ROR1: variants seen among roughly 807,000 people sequenced by gnomAD.
The protein encoded by ROR1 is ROR family WNT receptor 1, also known as inactive tyrosine-protein kinase transmembrane receptor ROR1.
Under a neutral mutation model 78.8 loss-of-function variants are expected in ROR1, and 19 were observed. The observed-to-expected ratio is 0.24, with a 90% CI of 0.17 to 0.35. The LOEUF is 0.35. ROR1 is among the 10% of genes least tolerant of loss of function. The probability of loss-of-function intolerance (pLI) is 1.00; values close to 1 mark genes in which losing one functional copy is unlikely to be tolerated. For missense variants in ROR1, 917 were observed against 1,177.8 expected, an observed-to-expected ratio of 0.78 and a Z score of 3.24; for synonymous variants, 386 against 433.6, an observed-to-expected ratio of 0.89 and a Z score of 1.36.
At chr1:63,995,292 G>T (rs1646328175) in intron 1 of ROR1, among the ~76,000 whole-genome samples, 1 of 152,060 alleles carries the variant, frequency 6.6e-6, no homozygotes, top group Non-Finnish European at 1.5e-5. Flanking sequence ...AGCTTAAATA[G>T]CAGTTGTTAT....
At chr1:63,789,906 G>A (rs1157233689) in intron 1 of ROR1, among the ~76,000 whole-genome samples, 1 of 152,068 alleles carries the variant, frequency 6.6e-6, no homozygotes, top group Non-Finnish European at 1.5e-5. Flanking sequence ...TTTCAGGCAG[G>A]CCCTCCCAAG....
chr1:63,878,892 T>C (rs1645306023), intron 1 of ROR1, among the ~76,000 whole-genome samples: 1 of 152,154 alleles, frequency 6.6e-6, no homozygotes, highest in Non-Finnish European at 1.5e-5. Context: ...GTCCTCATGG[T>C]ATATGAAGCC....
intron 1 of ROR1, chr1:63,843,511 C>T: frequency 1.3e-6 from 1 of 753,570 alleles, no homozygotes; most frequent in Non-Finnish European, 2.4e-6. Flanking sequence ...GTCTGGCTCA[C>T]ATCGCCCACC....
At chr1:63,891,442 G>T (rs148748452) in intron 1 of ROR1, among the ~76,000 whole-genome samples, 1 of 152,236 alleles carries the variant, frequency 6.6e-6, no homozygotes, top group East Asian at 1.9e-4. Context: ...TGCACCTCAT[G>T]GGAAGACTTG....
intron 2 of ROR1, among the ~76,000 whole-genome samples, chr1:64,015,994 G>A (rs956998560): frequency 6.6e-6 from 1 of 152,114 alleles, no homozygotes; most frequent in South Asian, 2.1e-4. Context: ...CTCACTACTG[G>A]TAGTTCTCTT....
intron 2 of ROR1, among the ~76,000 whole-genome samples, chr1:64,047,749 C>T (rs1646796095): frequency 6.6e-6 from 1 of 152,170 alleles, no homozygotes; most frequent in Non-Finnish European, 1.5e-5. Flanking sequence ...TGAGCAAACA[C>T]ATTCGTGGAT....
intron 1 of ROR1, among the ~76,000 whole-genome samples, chr1:63,861,643 T>C (rs1189622573): frequency 6.6e-6 from 1 of 152,266 alleles, no homozygotes; most frequent in Non-Finnish European, 1.5e-5. Context: ...TATGTCTTTC[T>C]GCATCTGTGA....
At chr1:63,916,423 C>G (rs1191025637) in intron 1 of ROR1, among the ~76,000 whole-genome samples, 1 of 152,180 alleles carries the variant, frequency 6.6e-6, no homozygotes, top group East Asian at 1.9e-4. Context: ...TAGGAGATAA[C>G]AGACTACAAA....
chr1:64,049,717 A>G lies in ROR1; in HGVS notation c.190A>G (p.Met64Val), dbSNP rs184990049. The change falls in exon 3 of 9, where the codon ATG becomes GTG. Residue 64 changes from methionine to valine, a missense_variant. Around this residue, in one of 3 missense-constraint regions of ROR1, gnomAD observed 19 missense variants for 50.9 expected, o/e 0.37. Transcript: ENST00000371079. ...KDSYLTLDEP[M>V]NNITTSLGQT... The stretch of plus-strand genomic sequence containing the variant: ...TTCTTACCTGACCCTCGATGAACCA[A>G]TGAATAACATCACCACGTCTCTGGG... 168 of 1,613,944 alleles carry G rather than the reference A, an allele frequency of 1.0e-4. 1 individual carries two copies. In the East Asian group the frequency reaches 3.3e-3, roughly 32 times the overall value.
intron 2 of ROR1, among the ~76,000 whole-genome samples, chr1:64,013,526 T>C (rs1281720538): frequency 1.3e-5 from 2 of 152,230 alleles, no homozygotes; most frequent in African/African-American, 2.4e-5. Context: ...ACTGGGTTTG[T>C]TCTTCACTTG....
chr1:64,128,999 C>A (rs184588364), intron 4 of ROR1, among the ~76,000 whole-genome samples: 138 of 152,242 alleles, frequency 9.1e-4, no homozygotes, highest in Middle Eastern at 3.4e-3. Flanking sequence ...GCTGCTTCTG[C>A]CATTATAAAA....
At chr1:63,865,625 G>A (rs1423053937) in intron 1 of ROR1, among the ~76,000 whole-genome samples, 1 of 152,172 alleles carries the variant, frequency 6.6e-6, no homozygotes, top group Non-Finnish European at 1.5e-5. Context: ...GGTCAGGCAT[G>A]TTTATATGTT....
intron 1 of ROR1, among the ~76,000 whole-genome samples, chr1:63,912,041 C>T (rs763909812): frequency 6.0e-5 from 9 of 150,426 alleles, no homozygotes; most frequent in Non-Finnish European, 1.2e-4. Context: ...AATCCCAGCA[C>T]TTTGGAAGAC....
At chr1:64,142,834 C>A in intron 7 of ROR1, 184 bp downstream of exon 7, 3 of 1,418,532 alleles carry the variant, frequency 2.1e-6, no homozygotes, top group Non-Finnish European at 2.8e-6. Flanking sequence ...TACCAAAACA[C>A]GTTCTCAAGA....
chr1:63,972,807 G>A (rs1438849520), intron 1 of ROR1, among the ~76,000 whole-genome samples: 1 of 152,208 alleles, frequency 6.6e-6, no homozygotes, highest in African/African-American at 2.4e-5. Flanking sequence ...TATGGGCCTA[G>A]TGTTTTGAGA....
chr1:63,893,849 A>T (rs2100392910), intron 1 of ROR1, among the ~76,000 whole-genome samples: 1 of 152,266 alleles, frequency 6.6e-6, no homozygotes, highest in Admixed American at 6.5e-5. Context: ...TTCTATATAT[A>T]CTAAACATGA....
intron 4 of ROR1, among the ~76,000 whole-genome samples, chr1:64,134,104 C>T (rs12142799): frequency 0.012 from 1,850 of 152,250 alleles, 15 homozygotes; most frequent in Middle Eastern, 0.024. Flanking sequence ...CTATTTAGAG[C>T]AAATCTAGCT....
intron 1 of ROR1, among the ~76,000 whole-genome samples, chr1:63,847,258 C>A (rs1569811179): frequency 6.6e-6 from 1 of 152,276 alleles, no homozygotes; most frequent in African/African-American, 2.4e-5. Flanking sequence ...AGGAATTCTC[C>A]CTGTGGTGGG....
intron 1 of ROR1, among the ~76,000 whole-genome samples, chr1:63,859,263 T>C (rs1173699184): frequency 6.6e-6 from 1 of 152,198 alleles, no homozygotes; most frequent in Non-Finnish European, 1.5e-5. Context: ...TCCTACTCAA[T>C]GTTTTCTTGA....
Sources: gnomAD v4.1 joint callset for allele counts (sites outside exome capture counted in the v4.1 genomes callset) on GRCh38, gnomAD v4.1.1 for gene constraint, gnomAD v4.1.1 regional missense constraint, MANE v1.5 for transcripts, NCBI Gene and HGNC (gene_info 2026-07-23, HGNC 2026-07-21) for gene names.